Variants in WASHC2A observed in about 807,000 individuals in gnomAD.
WASHC2A encodes the protein WASH complex subunit 2A.
A neutral mutation model predicts 140.3 loss-of-function variants in WASHC2A; 82 were observed. The ratio of observed to expected loss-of-function variants is 0.58; its 90% CI spans 0.49 to 0.70. WASHC2A has a LOEUF of 0.70. WASHC2A is among the 30% of genes least tolerant of loss of function. WASHC2A has a pLI of 0.00. For synonymous variants in WASHC2A, 340 were observed against 560.8 expected (o/e 0.61, Z 5.56); for missense variants, 985 against 1,521.8 (o/e 0.65, Z 5.87).
At chr10:50,120,528 A>G (rs2805217) in intron 23 of WASHC2A, among the ~76,000 whole-genome samples, 43,889 of 102,576 alleles carry the variant, frequency 0.43, 10,669 homozygotes, top group Middle Eastern at 0.59. Flanking sequence ...GCTGAGGCAG[A>G]AGAATTGCTT....
In WASHC2A at chr10:50,104,152, T is replaced by C. The variant is rs530953141; in HGVS notation, c.1737+9T>C. 8.6e-6 allele frequency: 13 copies of C among 1,507,920 alleles called. No individual in the cohort carries two copies. The Admixed American group carries it at 1.9e-4, about 22-fold the overall frequency. 93.4% of individuals were successfully genotyped at this position (1,507,920 alleles called of 1,614,324 possible). A position where few individuals can be genotyped will look rare whatever the true frequency, so the allele number is the denominator to read the frequency against. ...ATGATGAAGATGAAGAGGTAAACAT[T>C]GTTATTGTAACACTAGATAATTTAG... On this transcript the variant is annotated intron_variant, in intron 18 of 30. Transcript: ENST00000282633.
At chr10:50,074,780 G>A (rs1554877240) in intron 3 of WASHC2A, among the ~76,000 whole-genome samples, 4 of 152,098 alleles carry the variant, frequency 2.6e-5, no homozygotes, top group Non-Finnish European at 4.4e-5. Flanking sequence ...GCCAGGCGTG[G>A]TGGCAGGCGC....
chr10:50,071,002 A>T (rs1345583822), intron 3 of WASHC2A, among the ~76,000 whole-genome samples: 9 of 103,932 alleles, frequency 8.7e-5, no homozygotes, highest in African/African-American at 2.4e-4. Flanking sequence ...ATTGTACTCC[A>T]GCCTGGGCAA....
At chr10:50,107,514 A>G (rs1841898195) in intron 19 of WASHC2A, among the ~76,000 whole-genome samples, 1 of 152,022 alleles carries the variant, frequency 6.6e-6, no homozygotes, top group Non-Finnish European at 1.5e-5. Context: ...TTTTTTTTTA[A>G]CATTGTAGGC....
intron 16 of WASHC2A, among the ~76,000 whole-genome samples, chr10:50,099,146 T>C (rs1346247637): frequency 6.6e-6 from 1 of 152,188 alleles, no homozygotes; most frequent in Non-Finnish European, 1.5e-5. Context: ...ATATTTCTTA[T>C]TAGTTGGCAT....
chr10:50,095,074 C>T (rs1467411579), intron 13 of WASHC2A, 74 bp from the exon 14 acceptor site: 19 of 1,600,170 alleles, frequency 1.2e-5, no homozygotes, highest in Admixed American at 3.4e-5. Flanking sequence ...TTACATCGCA[C>T]GTATTTCAGG....
intron 21 of WASHC2A, among the ~76,000 whole-genome samples, chr10:50,115,794 A>T (rs1259593698): frequency 6.7e-6 from 1 of 149,970 alleles, no homozygotes; most frequent in Non-Finnish European, 1.5e-5. Context: ...TTTTCTTCAG[A>T]CTTTCCTTAT....
At position 50,120,293 on chromosome 10, in the gene WASHC2A, C is replaced by T. The variant is rs1222692946; in HGVS notation, c.2478+524C>T. 4.8e-5 allele frequency among the ~76,000 whole-genome samples: 7 copies of T among 144,744 alleles called. 1 individual carries two copies. The highest frequency in any genetic ancestry group is 1.7e-4 in the African/African-American group (6 of 36,290). 95.0% of individuals were successfully genotyped at this position (144,744 alleles called of 152,430 possible). On this transcript the variant is annotated intron_variant, in intron 23 of 30. Transcript: ENST00000282633. ...CCTAGGAAACATGAAGATGGATGGG[C>T]ATGACTGTGTTCCAGTAAGTTTTAT...
chr10:50,094,465 T>A (rs1210460264), intron 13 of WASHC2A, among the ~76,000 whole-genome samples: 2 of 151,304 alleles, frequency 1.3e-5, no homozygotes, highest in Non-Finnish European at 2.9e-5. Context: ...ACTGCACCTG[T>A]CCCCTTGGTG....
chr10:50,110,062 G>A (rs1247168076), intron 19 of WASHC2A, 39 bp from the exon 20 acceptor site: 79 of 1,573,776 alleles, frequency 5.0e-5, no homozygotes, highest in Non-Finnish European at 6.4e-5. Flanking sequence ...GAGCCACTGC[G>A]CCTGGCCTGG....
intron 20 of WASHC2A, among the ~76,000 whole-genome samples, chr10:50,112,687 G>A (rs1341328333): frequency 7.9e-5 from 12 of 151,346 alleles, no homozygotes; most frequent in Middle Eastern, 3.4e-3. Context: ...TAAACAAAAT[G>A]TATAACCATA....
Position 50,068,173 on chromosome 10 carries a change from G to C in WASHC2A, c.72G>C (p.Ser24=), listed in dbSNP as rs573775903. The C allele has an allele frequency of 1.0e-5, 16 of 1,600,628 alleles. No homozygotes were observed. The East Asian group carries it at 2.0e-4, about 20-fold the overall frequency. ...AGCCCGTGTGGGAGCGGCCGTGGTC[G>C]GTGGAGGAGATCCGCAGGAGCAGCC... is the stretch of plus-strand genomic sequence containing the variant. ...ASEPVWERPW[S]VEEIRRSSQS... is the part of the protein sequence containing the mutation. Residue 24 remains serine (S), a synonymous_variant, in exon 2 of 31, where the codon TCG becomes TCC. Transcript: ENST00000282633.
chr10:50,100,172 A>T (rs1239771055), intron 17 of WASHC2A, 108 bp downstream of exon 17: 81 of 1,464,902 alleles, frequency 5.5e-5, no homozygotes, highest in Admixed American at 1.4e-4. Flanking sequence ...TTTGTTAAGT[A>T]CTCCAGTTCT....
At chr10:50,099,701 C>A (rs1179083761) in intron 16 of WASHC2A, among the ~76,000 whole-genome samples, 1 of 137,140 alleles carries the variant, frequency 7.3e-6, no homozygotes, top group East Asian at 2.8e-4. Flanking sequence ...GCCCGTCAGG[C>A]AGCCTGTCTT....
chr10:50,127,118 T>C, intron 26 of WASHC2A, 42 bp from the exon 27 acceptor site: 2 of 1,611,934 alleles, frequency 1.2e-6, no homozygotes, highest in Non-Finnish European at 1.7e-6. Flanking sequence ...CTTGTCTTTC[T>C]GTTTCCCAAA....
intron 20 of WASHC2A, among the ~76,000 whole-genome samples, chr10:50,110,892 C>CAAA (rs1239943523): frequency 0.011 from 764 of 69,634 alleles, 15 homozygotes; most frequent in African/African-American, 0.037. Context: ...GACTCCATCT[C>CAAA]AAAAAAAAAA....
At position 50,132,922 on chromosome 10, in the gene WASHC2A, C is replaced by T. The variant is rs745952158; in HGVS notation, c.4003C>T (p.Leu1335=). 1.2e-6 allele frequency: 2 copies of T among 1,612,040 alleles called. No homozygotes were observed. The highest frequency in any genetic ancestry group is 1.3e-5 in the African/African-American group (1 of 74,982). The change falls in exon 31 of 31, where the codon CTG becomes TTG. Residue 1335 remains leucine, a synonymous_variant. Transcript: ENST00000282633. ...GGTGTCCAACATCTTTGATGATCCC[C>T]TGAATGCCTTTGGAGGCCAGTAGAG... ...HKVSNIFDDP[L]NAFGGQ
chr10:50,090,510 A>AT (rs1839795430), intron 8 of WASHC2A, among the ~76,000 whole-genome samples: 17 of 118,128 alleles, frequency 1.4e-4, no homozygotes, highest in Admixed American at 5.5e-4. Context: ...CTCAAAAAAA[A>AT]AAAAAATATA....
intron 27 of WASHC2A, 99 bp from the exon 28 acceptor site, chr10:50,127,484 A>G: frequency 2.5e-6 from 4 of 1,611,772 alleles, no homozygotes; most frequent in South Asian, 1.1e-5. Context: ...CTCCTCTCGT[A>G]TTATACATTA....
Sources: gnomAD v4.1 joint callset for allele counts (sites outside exome capture counted in the v4.1 genomes callset) on GRCh38, gnomAD v4.1.1 for gene constraint, MANE v1.5 for transcripts, NCBI Gene and HGNC (gene_info 2026-07-23, HGNC 2026-07-21) for gene names.